EIF4G3: variants seen among roughly 807,000 people sequenced by gnomAD.
EIF4G3 encodes the protein eukaryotic translation initiation factor 4 gamma 3.
A neutral mutation model predicts 186.4 loss-of-function variants in EIF4G3; 34 were observed. That is an observed-to-expected ratio of 0.18 (90% CI 0.14 to 0.24). The LOEUF (loss-of-function observed/expected upper bound fraction) is 0.24. Ranked by LOEUF, EIF4G3 falls within the 10% of genes least tolerant of loss-of-function variation. The probability of loss-of-function intolerance (pLI) is 1.00; values close to 1 mark genes in which losing one functional copy is unlikely to be tolerated. For missense variants in EIF4G3, 1,536 were observed against 1,948.5 expected (o/e 0.79, Z 3.99); for synonymous variants, 673 against 679.5 (o/e 0.99, Z 0.15).
chr1:20,822,196 G>T (rs1311072086), intron 33 of EIF4G3, among the ~76,000 whole-genome samples: 1 of 152,092 alleles, frequency 6.6e-6, no homozygotes, highest in African/African-American at 2.4e-5. Flanking sequence ...TTGACATAAA[G>T]ATTATTCATA....
At chr1:21,008,579 T>A in intron 4 of EIF4G3, among the ~76,000 whole-genome samples, 1 of 152,156 alleles carries the variant, frequency 6.6e-6, no homozygotes, top group East Asian at 1.9e-4. Context: ...CCTCAGGTGA[T>A]CCACCGGGCT....
chr1:20,891,268 C>T (rs2085928070), intron 18 of EIF4G3, among the ~76,000 whole-genome samples: 1 of 152,122 alleles, frequency 6.6e-6, no homozygotes, highest in African/African-American at 2.4e-5. Context: ...AAAAGTGACA[C>T]TGGAAGAGGA....
At chr1:20,979,202 T>G (rs1407914828) in intron 10 of EIF4G3, among the ~76,000 whole-genome samples, 2 of 152,202 alleles carry the variant, frequency 1.3e-5, no homozygotes, top group Non-Finnish European at 2.9e-5. Flanking sequence ...ATTTTTATCA[T>G]TTTTAGTTCA....
chr1:21,008,089 T>C (rs886590070), intron 4 of EIF4G3, among the ~76,000 whole-genome samples: 8 of 152,182 alleles, frequency 5.3e-5, no homozygotes, highest in South Asian at 2.1e-4. Flanking sequence ...TGTAGTGAGC[T>C]GTAATTGTGC....
chr1:20,813,349 A>T, intron 34 of EIF4G3, 110 bp from the exon 35 acceptor site: 7 of 470,254 alleles, frequency 1.5e-5, no homozygotes, highest in Non-Finnish European at 2.3e-5. Context: ...GGATCACTTG[A>T]GGCTAGGAGT....
chr1:20,984,450 G>A (rs2078987564), intron 7 of EIF4G3, among the ~76,000 whole-genome samples: 1 of 151,852 alleles, frequency 6.6e-6, no homozygotes, highest in African/African-American at 2.4e-5. Context: ...ACAAACATGA[G>A]CCACTGCGCT....
Position 21,051,872 on chromosome 1 carries a change from C to G in EIF4G3, c.-195-878G>C, listed in dbSNP as rs1415963256. 2.0e-5 allele frequency among the ~76,000 whole-genome samples: 3 copies of G among 151,712 alleles called. No individual in the cohort carries two copies. In the South Asian group the frequency reaches 6.2e-4, roughly 32 times the overall value. ...GAGGAAAACCCTATCTCTTTAAATA[C>G]AAAAAAATTTTTAAAAAGGACATCT... On this transcript the variant is annotated intron_variant, in intron 3 of 36. Transcript: ENST00000602326.
chr1:21,012,929 C>T (rs749894457), intron 4 of EIF4G3, among the ~76,000 whole-genome samples: 3 of 152,052 alleles, frequency 2.0e-5, no homozygotes, highest in Admixed American at 6.6e-5. Context: ...AACCCGCCTC[C>T]GAACACACAT....
At chr1:21,083,107 C>G (rs1370141448) in intron 3 of EIF4G3, among the ~76,000 whole-genome samples, 2 of 145,546 alleles carry the variant, frequency 1.4e-5, no homozygotes, top group African/African-American at 5.2e-5. Context: ...GTGGCTTGTG[C>G]CTGTAATCCT....
At chr1:21,173,401 C>A (rs1356685576) in intron 2 of EIF4G3, among the ~76,000 whole-genome samples, 2 of 151,976 alleles carry the variant, frequency 1.3e-5, no homozygotes, top group East Asian at 2.0e-4. Flanking sequence ...TTCACCAGAT[C>A]AGGGCCAGGT....
chr1:21,121,774 C>CAAGAA (rs1553262405), intron 2 of EIF4G3, among the ~76,000 whole-genome samples: 9 of 85,762 alleles, frequency 1.0e-4, no homozygotes, highest in Non-Finnish European at 2.2e-4. Flanking sequence ...GACTCCGTCT[C>CAAGAA]AAAAAAAAAA....
At chr1:21,133,731 T>G (rs139740689) in intron 2 of EIF4G3, among the ~76,000 whole-genome samples, 14 of 152,332 alleles carry the variant, frequency 9.2e-5, no homozygotes, top group African/African-American at 3.1e-4. Flanking sequence ...AGCAACTGTT[T>G]AAATTCAAAG....
At chr1:20,882,774 C>A (rs1037363778) in intron 19 of EIF4G3, among the ~76,000 whole-genome samples, 1 of 150,854 alleles carries the variant, frequency 6.6e-6, no homozygotes, top group South Asian at 2.1e-4. Flanking sequence ...CCAGCCTGGG[C>A]AATAGATTTA....
chr1:21,144,123 C>G (rs1264768732), intron 2 of EIF4G3, among the ~76,000 whole-genome samples: 1 of 152,136 alleles, frequency 6.6e-6, no homozygotes, highest in Non-Finnish European at 1.5e-5. Context: ...CAAGCAATGT[C>G]ATGTTTTAAG....
intron 2 of EIF4G3, among the ~76,000 whole-genome samples, chr1:21,095,852 G>C (rs76184975): frequency 4.7e-5 from 7 of 150,292 alleles, no homozygotes; most frequent in African/African-American, 1.5e-4. Flanking sequence ...TGCTGACTAC[G>C]CTGTTATTTC....
intron 2 of EIF4G3, among the ~76,000 whole-genome samples, chr1:21,089,475 C>T (rs1037859124): frequency 2.6e-5 from 4 of 152,088 alleles, no homozygotes; most frequent in South Asian, 2.1e-4. Flanking sequence ...AACTTTAGAC[C>T]CATGATGAGA....
intron 2 of EIF4G3, among the ~76,000 whole-genome samples, chr1:21,148,607 C>CA (rs2097494653): frequency 6.7e-6 from 1 of 149,830 alleles, no homozygotes; most frequent in Non-Finnish European, 1.5e-5. Flanking sequence ...GAGGCTAAGG[C>CA]AGGAGAATGG....
chr1:20,828,705 A>G (rs2064302417), intron 31 of EIF4G3, among the ~76,000 whole-genome samples: 1 of 152,204 alleles, frequency 6.6e-6, no homozygotes, highest in Non-Finnish European at 1.5e-5. Context: ...ATCCAAACGT[A>G]GGAATACTTG....
chr1:20,902,629 T>TA (rs779777199), intron 15 of EIF4G3, among the ~76,000 whole-genome samples: 26 of 152,208 alleles, frequency 1.7e-4, no homozygotes, highest in Non-Finnish European at 3.2e-4. Context: ...CTTTAGTTTT[T>TA]AAAAATTTTT....
Sources: gnomAD v4.1 joint callset for allele counts (sites outside exome capture counted in the v4.1 genomes callset) on GRCh38, gnomAD v4.1.1 for gene constraint, MANE v1.5 for transcripts, NCBI Gene and HGNC (gene_info 2026-07-23, HGNC 2026-07-21) for gene names.